The following COL5A2 variants were observed in gnomAD, a reference collection of about 807,000 sequenced individuals.
The protein encoded by COL5A2 is collagen type V alpha 2 chain, also known as collagen alpha-2(V) chain.
Under a neutral mutation model 208.2 loss-of-function variants are expected in COL5A2, and 23 were observed. The observed-to-expected ratio is 0.11, with a 90% CI of 0.08 to 0.16. The LOEUF is 0.16. Ranked by LOEUF, COL5A2 falls within the 10% of genes least tolerant of loss-of-function variation. The pLI, the probability that COL5A2 is intolerant of heterozygous loss-of-function variation, is 1.00. For synonymous variants in COL5A2, 625 were observed against 628.5 expected (o/e 0.99, Z 0.08); for missense variants, 1,590 against 1,956.4 (o/e 0.81, Z 3.53).
At chr2:189,429,892 C>T in the COL5A2 span, among the ~76,000 whole-genome samples, 4 of 152,206 alleles carry the variant, frequency 2.6e-5, no homozygotes, top group South Asian at 6.2e-4. Flanking sequence ...ACTGTAACAT[C>T]GTTGACATTC....
Position 189,053,418 on chromosome 2 carries a change from T to A in COL5A2, c.2553+6A>T. The A allele has an allele frequency of 6.2e-7, 1 of 1,612,242 alleles. No homozygotes were observed. On this transcript the variant is annotated splice_donor_region_variant and intron_variant, in intron 38 of 53. Transcript: ENST00000374866. ...TTTGTAAATTAGGGATATTTGAAAATTATACCTGGGGTCCGGCAAAACCAA... is the reference window on the plus strand; with the variant it reads ...TTTGTAAATTAGGGATATTTGAAAAATATACCTGGGGTCCGGCAAAACCAA...
At chr2:189,141,151 G>A (rs1193770246) in intron 1 of COL5A2, among the ~76,000 whole-genome samples, 1 of 152,180 alleles carries the variant, frequency 6.6e-6, no homozygotes, top group Non-Finnish European at 1.5e-5. Flanking sequence ...AATATGAGCT[G>A]AGGATTCCCC....
At chr2:189,241,026 C>T in the COL5A2 span, among the ~76,000 whole-genome samples, 2 of 152,142 alleles carry the variant, frequency 1.3e-5, no homozygotes, top group Non-Finnish European at 2.9e-5. Flanking sequence ...ATCATTAAAA[C>T]CAAACAGCTT....
At chr2:189,190,294 C>A (rs1172098944) in intron 1 of COL5A2, among the ~76,000 whole-genome samples, 1 of 152,108 alleles carries the variant, frequency 6.6e-6, no homozygotes, top group Non-Finnish European at 1.5e-5. Flanking sequence ...TCTGGAATAA[C>A]TGCAATCAGA....
the COL5A2 span, among the ~76,000 whole-genome samples, chr2:189,236,090 A>T: frequency 6.6e-6 from 1 of 151,578 alleles, no homozygotes; most frequent in African/African-American, 2.4e-5. Flanking sequence ...CTTGCTGTTC[A>T]AGGGATTAAG....
chr2:189,307,702 T>C, the COL5A2 span, among the ~76,000 whole-genome samples: 1 of 152,200 alleles, frequency 6.6e-6, no homozygotes. Flanking sequence ...ATTGATAATG[T>C]TTACTAAACG....
At chr2:189,143,824 A>G (rs1458566861) in intron 1 of COL5A2, among the ~76,000 whole-genome samples, 1 of 152,168 alleles carries the variant, frequency 6.6e-6, no homozygotes, top group Non-Finnish European at 1.5e-5. Context: ...GTAAGATATT[A>G]CTAGACTGTA....
chr2:189,206,586 G>C (rs1388485209), intron 1 of COL5A2, among the ~76,000 whole-genome samples: 1 of 152,130 alleles, frequency 6.6e-6, no homozygotes. Context: ...AACCATGAAG[G>C]ACTAGGGCCA....
rs538003259 is a variant in COL5A2, at chr2:189,128,311, C to T, written c.98-17862G>A. On this transcript the variant is annotated intron_variant, in intron 1 of 53. Coordinates refer to ENST00000374866, the MANE Select transcript of COL5A2 (RefSeq NM_000393.5). The stretch of plus-strand genomic sequence containing the variant: ...TGCTTGCAGAATTGGGAGGCAAATC[C>T]CAGTAATTATCTTTCCAAGCCATCC... Among the ~76,000 whole-genome samples the T allele has an allele frequency of 5.3e-5, 8 of 151,934 alleles. No individual in the cohort carries two copies. The East Asian group carries it at 1.4e-3, about 26-fold the overall frequency.
At chr2:189,211,710 G>A (rs1439170887) in intron 1 of COL5A2, among the ~76,000 whole-genome samples, 1 of 152,012 alleles carries the variant, frequency 6.6e-6, no homozygotes, top group African/African-American at 2.4e-5. Flanking sequence ...AATTAACAAA[G>A]ATTAAAAATG....
At chr2:189,325,397 G>C in the COL5A2 span, among the ~76,000 whole-genome samples, 2 of 151,526 alleles carry the variant, frequency 1.3e-5, no homozygotes, top group African/African-American at 4.8e-5. Context: ...CATCCTCCAT[G>C]TTCCTTCTCC....
chr2:189,321,778 A>G, the COL5A2 span, among the ~76,000 whole-genome samples: 1 of 152,200 alleles, frequency 6.6e-6, no homozygotes, highest in Admixed American at 6.5e-5. Context: ...TGAGACAGAA[A>G]GTTAACAAGG....
At chr2:189,279,153 G>A in the COL5A2 span, among the ~76,000 whole-genome samples, 3 of 151,634 alleles carry the variant, frequency 2.0e-5, no homozygotes, top group Non-Finnish European at 2.9e-5. Flanking sequence ...AAGAACAGAA[G>A]AAAGATGAGA....
At chr2:189,225,499 T>C (rs1016213284), upstream of COL5A2, among the ~76,000 whole-genome samples, 1 of 152,088 alleles carries the variant, frequency 6.6e-6, no homozygotes. Context: ...CAGGGAAATC[T>C]GTATTCAAAT....
Position 189,064,083 on chromosome 2 carries a change from T to A in COL5A2, c.1717-50A>T, listed in dbSNP as rs1473050122. ...GTTTGTTGCTGATATGCAGTTGAAG[T>A]AAAGATTCTTAAGAGTAAAAATAGT... On this transcript the variant is annotated intron_variant, in intron 25 of 53. Coordinates refer to ENST00000374866, the MANE Select transcript of COL5A2 (RefSeq NM_000393.5). 3 of 1,432,452 alleles carry A rather than the reference T, an allele frequency of 2.1e-6. No homozygotes were observed. In the South Asian group the frequency reaches 3.5e-5, roughly 17 times the overall value. 88.7% of individuals were successfully genotyped at this position (1,432,452 alleles called of 1,614,324 possible).
intron 13 of COL5A2, among the ~76,000 whole-genome samples, 153 bp from the exon 14 acceptor site, chr2:189,080,184 T>C (rs1686500216): frequency 6.6e-6 from 1 of 152,202 alleles, no homozygotes; most frequent in Non-Finnish European, 1.5e-5. Flanking sequence ...CTCAAACTTT[T>C]CTGAAAGCTT....
intron 1 of COL5A2, among the ~76,000 whole-genome samples, 161 bp downstream of exon 1, chr2:189,179,347 C>T (rs1268252128): frequency 6.6e-6 from 1 of 152,152 alleles, no homozygotes; most frequent in Non-Finnish European, 1.5e-5. Flanking sequence ...TTACAAACAT[C>T]CCAATTGTCT....
intron 1 of COL5A2, among the ~76,000 whole-genome samples, chr2:189,222,631 C>G (rs1471338303): frequency 6.6e-6 from 1 of 152,096 alleles, no homozygotes; most frequent in Non-Finnish European, 1.5e-5. Context: ...GGCTACCAAG[C>G]AGACTGATCT....
chr2:189,328,723 C>G, the COL5A2 span, among the ~76,000 whole-genome samples: 1 of 152,088 alleles, frequency 6.6e-6, no homozygotes, highest in Admixed American at 6.6e-5. Flanking sequence ...TTGGTCTCAG[C>G]CAGTCAACAA....
Sources: gnomAD v4.1 joint callset for allele counts (sites outside exome capture counted in the v4.1 genomes callset) on GRCh38, gnomAD v4.1.1 for gene constraint, MANE v1.5 for transcripts, NCBI Gene and HGNC (gene_info 2026-07-23, HGNC 2026-07-21) for gene names.